The following RAP1GAP2 variants were observed in gnomAD, a reference collection of about 807,000 sequenced individuals.
RAP1GAP2 encodes the protein rap1 GTPase-activating protein 2.
A neutral mutation model predicts 95.0 loss-of-function variants in RAP1GAP2; 27 were observed. The ratio of observed to expected loss-of-function variants is 0.28; its 90% CI spans 0.21 to 0.39. RAP1GAP2 has a LOEUF of 0.39. RAP1GAP2 is among the 10% of genes least tolerant of loss of function. The probability of loss-of-function intolerance (pLI) is 1.00; values close to 1 mark genes in which losing one functional copy is unlikely to be tolerated. For synonymous variants in RAP1GAP2, 373 were observed against 380.9 expected (o/e 0.98, Z 0.24); for missense variants, 771 against 970.0 (o/e 0.79, Z 2.72).
intron 8 of RAP1GAP2, among the ~76,000 whole-genome samples, chr17:2,970,291 A>T (rs201789130): frequency 0.14 from 18,665 of 136,144 alleles, 1,401 homozygotes; most frequent in African/African-American, 0.25. Context: ...AAAAAAAAAA[A>T]AAAAATAATA....
rs1312862023 is a variant in RAP1GAP2, at chr17:2,870,713, A to G, written c.81-34571A>G. On this transcript the variant is annotated intron_variant, in intron 2 of 24. Transcript: ENST00000254695. The surrounding 1 kb of genome is among the most constrained non-coding windows in gnomAD (Gnocchi z 4.4). Reference sequence around the variant, plus strand: ...TACATTAGTCAAGACCCTTGGTGGCAAGTGACAGAGGCCCATCTTGAATTA... The same window carrying G: ...TACATTAGTCAAGACCCTTGGTGGCGAGTGACAGAGGCCCATCTTGAATTA... 6.6e-6 allele frequency among the ~76,000 whole-genome samples: 1 copy of G among 152,204 alleles called. No homozygotes were observed. Among genetic ancestry groups the G allele is most frequent in the Non-Finnish European group, 1.5e-5 (1 of 68,042 alleles).
chr17:2,792,674 C>T (rs1001202278), upstream of RAP1GAP2, among the ~76,000 whole-genome samples: 1 of 152,234 alleles, frequency 6.6e-6, no homozygotes, highest in Non-Finnish European at 1.5e-5. Flanking sequence ...TTCTGCAGGG[C>T]CGGCAGCCGG....
upstream of RAP1GAP2, among the ~76,000 whole-genome samples, chr17:2,793,132 A>T (rs1005464982): frequency 7.2e-5 from 11 of 151,922 alleles, no homozygotes; most frequent in African/African-American, 2.2e-4. Context: ...CTGATTTTTT[A>T]AAAAAGTAAT....
intron 1 of RAP1GAP2, among the ~76,000 whole-genome samples, chr17:2,763,742 C>A (rs533441907): frequency 2.7e-5 from 4 of 149,860 alleles, no homozygotes; most frequent in South Asian, 4.3e-4. Flanking sequence ...TCATTCACAG[C>A]CTCTGGGAGA....
intron 3 of RAP1GAP2, among the ~76,000 whole-genome samples, chr17:2,947,826 ACT>A (rs1489547644): frequency 6.7e-6 from 1 of 148,782 alleles, no homozygotes; most frequent in Non-Finnish European, 1.5e-5. Context: ...GGTTTAGAGA[ACT>A]CTCCAGAAAT....
chr17:2,962,025 CCTG>C (rs2044355829), intron 4 of RAP1GAP2, among the ~76,000 whole-genome samples: 1 of 151,920 alleles, frequency 6.6e-6, no homozygotes, highest in African/African-American at 2.4e-5. Flanking sequence ...GCCTCAGCCT[CCTG>C]AGTAGCTGGG....
chr17:2,757,516 G>A (rs978837530), intron 1 of RAP1GAP2, among the ~76,000 whole-genome samples: 2 of 152,036 alleles, frequency 1.3e-5, no homozygotes, highest in African/African-American at 4.8e-5. Flanking sequence ...CGACCACAGC[G>A]CCTGGCTCAA....
chr17:2,977,871 G>A (rs1357413777), intron 8 of RAP1GAP2, among the ~76,000 whole-genome samples: 2 of 151,696 alleles, frequency 1.3e-5, no homozygotes, highest in African/African-American at 4.8e-5. Context: ...GGCCAGTGTT[G>A]CTTTTGAACA....
At chr17:2,775,101 G>A (rs902491209), upstream of RAP1GAP2, among the ~76,000 whole-genome samples, 6 of 150,860 alleles carry the variant, frequency 4.0e-5, no homozygotes, top group South Asian at 2.1e-4. Context: ...CAAAGCGCTA[G>A]GATTACAGGT....
intron 3 of RAP1GAP2, among the ~76,000 whole-genome samples, chr17:2,932,399 A>G (rs1222632509): frequency 6.6e-6 from 1 of 152,010 alleles, no homozygotes; most frequent in Non-Finnish European, 1.5e-5. Flanking sequence ...TGCATATCCC[A>G]TAACAAGTGT....
intron 1 of RAP1GAP2, chr17:2,755,877 TGCGGG>T (rs1413767376): frequency 3.2e-6 from 1 of 310,940 alleles, no homozygotes; most frequent in Non-Finnish European, 5.9e-6. Flanking sequence ...GGGCTGAGGC[TGCGGG>T]GCCCGGGTGG....
At chr17:2,782,210 C>T (rs536646008) in intron 1 of RAP1GAP2, among the ~76,000 whole-genome samples, 2 of 152,304 alleles carry the variant, frequency 1.3e-5, no homozygotes, top group Admixed American at 6.5e-5. Context: ...GCTTCTCCCC[C>T]TCTGGCTGTG....
chr17:2,874,204 A>G (rs2072985148), intron 2 of RAP1GAP2, among the ~76,000 whole-genome samples: 1 of 152,174 alleles, frequency 6.6e-6, no homozygotes, highest in Admixed American at 6.6e-5. Flanking sequence ...GAGGCATAAG[A>G]TTGAGCTCTG....
intron 1 of RAP1GAP2, among the ~76,000 whole-genome samples, chr17:2,764,226 G>T (rs1191935619): frequency 6.6e-6 from 1 of 151,448 alleles, no homozygotes; most frequent in Non-Finnish European, 1.5e-5. Context: ...GAGGTCAGGA[G>T]TTTGAGACCA....
chr17:2,889,884 TA>T lies in RAP1GAP2; in HGVS notation c.81-15399del, dbSNP rs1368185967. Among the ~76,000 whole-genome samples the T allele has an allele frequency of 2.7e-3, 189 of 68,776 alleles. 2 individuals are homozygous for T. Among genetic ancestry groups the T allele is most frequent in the Middle Eastern group, 0.013 (2 of 152 alleles). 45.1% of individuals were successfully genotyped at this position (68,776 alleles called of 152,430 possible). ...GTGTGTATATATATATATATATATA[TA>T]TATATTTTTTTTTTTTTTTGTAGAG... On this transcript the variant is annotated intron_variant, in intron 2 of 24. Transcript: ENST00000254695.
At chr17:3,009,229 T>G (rs2046433037) in intron 17 of RAP1GAP2, among the ~76,000 whole-genome samples, 2 of 152,146 alleles carry the variant, frequency 1.3e-5, no homozygotes, top group South Asian at 4.1e-4. Flanking sequence ...ATACCATGCC[T>G]GGAAAAGTCC....
At chr17:2,927,320 A>ATT (rs1309902430) in intron 3 of RAP1GAP2, among the ~76,000 whole-genome samples, 4 of 151,894 alleles carry the variant, frequency 2.6e-5, no homozygotes, top group Admixed American at 6.5e-5. Flanking sequence ...CGCCCGGCTA[A>ATT]TTTTTTGTAT....
chr17:2,791,137 G>A (rs146138449), intron 1 of RAP1GAP2, among the ~76,000 whole-genome samples: 5 of 152,318 alleles, frequency 3.3e-5, no homozygotes, highest in South Asian at 4.1e-4. Context: ...CCTGGGAGGC[G>A]GAGGTTGCAG....
chr17:2,832,402 C>CAAAAA, intron 2 of RAP1GAP2, among the ~76,000 whole-genome samples: 1 of 149,328 alleles, frequency 6.7e-6, no homozygotes, highest in Non-Finnish European at 1.5e-5. Context: ...ACTAAAAATA[C>CAAAAA]AAAAAATTAC....
Sources: allele counts gnomAD v4.1 joint callset (sites outside exome capture counted in the v4.1 genomes callset), GRCh38; gene constraint gnomAD v4.1.1; non-coding constraint Gnocchi (gnomAD v3.1); transcripts MANE v1.5; gene names NCBI Gene and HGNC (gene_info 2026-07-23, HGNC 2026-07-21).